Variants in OTUD3 observed in about 807,000 individuals in gnomAD.
OTUD3 encodes OTU deubiquitinase 3.
OTUD3 carries 24 observed loss-of-function variants against 46.2 expected under a neutral mutation model. That is an observed-to-expected ratio of 0.52 (90% CI 0.38 to 0.73). The LOEUF is 0.73. Among genes scored for constraint, OTUD3 ranks in the 30% least tolerant of loss-of-function variants. The probability of loss-of-function intolerance (pLI) is 0.00; values close to 1 mark genes in which losing one functional copy is unlikely to be tolerated. For missense variants in OTUD3, 455 were observed against 523.3 expected (o/e 0.87, Z 1.27); for synonymous variants, 189 against 195.4 (o/e 0.97, Z 0.27).
intron 2 of OTUD3, among the ~76,000 whole-genome samples, chr1:19,892,033 C>G (rs2045454133): frequency 6.6e-6 from 1 of 152,168 alleles, no homozygotes; most frequent in South Asian, 2.1e-4. Context: ...TGTGAAACTC[C>G]ACTTTGAACA....
At chr1:19,902,884 T>C (rs76243835) in intron 4 of OTUD3, among the ~76,000 whole-genome samples, 3,066 of 151,930 alleles carry the variant, frequency 0.02, 100 homozygotes, top group African/African-American at 0.07. Flanking sequence ...ATGGGGGGAG[T>C]GATTATTGTG....
intron 6 of OTUD3, among the ~76,000 whole-genome samples, chr1:19,906,043 T>A (rs2045657080): frequency 6.6e-6 from 1 of 152,248 alleles, no homozygotes; most frequent in Non-Finnish European, 1.5e-5. Context: ...TGTTTAATTT[T>A]AATTTAAATG....
chr1:19,901,527 CACATA>C (rs1485051612), intron 4 of OTUD3, among the ~76,000 whole-genome samples: 1 of 152,130 alleles, frequency 6.6e-6, no homozygotes, highest in Non-Finnish European at 1.5e-5. Context: ...AGGCAAAATT[CACATA>C]ACATAAAATT....
intron 1 of OTUD3, among the ~76,000 whole-genome samples, chr1:19,883,911 C>T (rs140995394): frequency 1.3e-5 from 2 of 152,332 alleles, no homozygotes; most frequent in East Asian, 3.9e-4. Flanking sequence ...ATGCTCATTG[C>T]TTCAGGCAGA....
chr1:19,890,243 A>G, intron 1 of OTUD3, 142 bp from the exon 2 acceptor site: 1 of 761,520 alleles, frequency 1.3e-6, no homozygotes, highest in Non-Finnish European at 2.1e-6. Context: ...GTGGTCTTGG[A>G]AGAATCCTGG....
At chr1:19,885,211 C>A (rs138147667) in intron 1 of OTUD3, among the ~76,000 whole-genome samples, 2 of 152,190 alleles carry the variant, frequency 1.3e-5, no homozygotes, top group African/African-American at 4.8e-5. Context: ...CTGGAGTGCT[C>A]ATGTCTCTCT....
chr1:19,893,838 G>A (rs1033898124), intron 2 of OTUD3, among the ~76,000 whole-genome samples: 1 of 152,224 alleles, frequency 6.6e-6, no homozygotes, highest in Admixed American at 6.5e-5. Context: ...TGAACTCCGC[G>A]AGGGCAAATT....
Position 19,896,764 on chromosome 1 carries a change from C to T in OTUD3, c.484-776C>T, listed in dbSNP as rs182621889. On this transcript the variant is annotated intron_variant, in intron 3 of 7. Transcript: ENST00000375120. ...AGAATGAGAGTTTCTTTGGACGTGGCGAGTTTTATTTGGGGTACGCCCAGA... is the reference window on the plus strand; with the variant it reads ...AGAATGAGAGTTTCTTTGGACGTGGTGAGTTTTATTTGGGGTACGCCCAGA... 1.4e-4 allele frequency among the ~76,000 whole-genome samples: 22 copies of T among 152,236 alleles called. No individual in the cohort carries two copies. The East Asian group carries it at 3.9e-3, about 27-fold the overall frequency.
intron 1 of OTUD3, among the ~76,000 whole-genome samples, chr1:19,884,355 TG>T (rs1010714935): frequency 3.3e-5 from 5 of 152,142 alleles, no homozygotes; most frequent in African/African-American, 1.2e-4. Flanking sequence ...TGGGAAACTT[TG>T]GGGGTACTAC....
intron 2 of OTUD3, 137 bp from the exon 3 acceptor site, chr1:19,894,231 A>C: frequency 1.8e-6 from 1 of 546,798 alleles, no homozygotes; most frequent in Middle Eastern, 3.6e-4. Flanking sequence ...AAATTCCTAG[A>C]CTCTGACAAA....
At position 19,912,074 on chromosome 1, in the gene OTUD3, A is replaced by G. The variant is rs1040685242; in HGVS notation, c.*4328A>G. 2.6e-5 allele frequency: 4 copies of G among 151,854 alleles called. No individual in the cohort carries two copies. Among genetic ancestry groups the G allele is most frequent in the Non-Finnish European group, 2.9e-5 (2 of 67,868 alleles). The allele number at this position is 151,854 out of a possible 1,614,324, so 9.4% of individuals were successfully genotyped here. A position where few individuals can be genotyped will look rare whatever the true frequency, so the allele number is the denominator to read the frequency against. ...CTTGAGAAGGGGCTGGTACCAGTGTAAAGAATCTATTTCTGTAAAACTACG... is the reference window on the plus strand; with the variant it reads ...CTTGAGAAGGGGCTGGTACCAGTGTGAAGAATCTATTTCTGTAAAACTACG... On this transcript the variant is annotated 3_prime_UTR_variant, in exon 8 of 8. Coordinates refer to ENST00000375120, the MANE Select transcript of OTUD3 (RefSeq NM_015207.2).
chr1:19,899,072 A>G (rs1469541026), intron 4 of OTUD3, among the ~76,000 whole-genome samples: 1 of 152,116 alleles, frequency 6.6e-6, no homozygotes, highest in Non-Finnish European at 1.5e-5. Flanking sequence ...TGGCCTTCCA[A>G]CATGTTGGGA....
At chr1:19,897,461 G>A in intron 3 of OTUD3, 79 bp from the exon 4 acceptor site, 2 of 1,497,522 alleles carry the variant, frequency 1.3e-6, no homozygotes, top group Admixed American at 1.9e-5. Context: ...GGCTTCCTCA[G>A]CAGTCCAGGT....
At chr1:19,887,584 C>A (rs2045385443) in intron 1 of OTUD3, among the ~76,000 whole-genome samples, 2 of 152,130 alleles carry the variant, frequency 1.3e-5, no homozygotes, top group Admixed American at 6.5e-5. Flanking sequence ...ATATAGTCTA[C>A]CTCCGTAGAG....
At chr1:19,906,646 G>A (rs1449500632) in intron 7 of OTUD3, 30 bp downstream of exon 7, 3 of 1,556,166 alleles carry the variant, frequency 1.9e-6, no homozygotes, top group African/African-American at 1.4e-5. Flanking sequence ...ATGGGCAGGT[G>A]GTGGGCAGGT....
chr1:19,885,464 A>AC (rs2045344910), intron 1 of OTUD3, among the ~76,000 whole-genome samples: 1 of 151,708 alleles, frequency 6.6e-6, no homozygotes, highest in African/African-American at 2.4e-5. Context: ...AGATTCTTCT[A>AC]CCCCCCTCAG....
At chr1:19,894,526 T>G in intron 3 of OTUD3, 46 bp downstream of exon 3, 1 of 926,422 alleles carries the variant, frequency 1.1e-6, no homozygotes, top group Non-Finnish European at 1.6e-6. Flanking sequence ...TATTTCTAAG[T>G]CAGCTTTGGG....
Position 19,882,815 on chromosome 1 carries a change from A to G in OTUD3, c.221+81A>G, listed in dbSNP as rs982127056. On this transcript the variant is annotated intron_variant, in intron 1 of 7. Transcript: ENST00000375120. The stretch of plus-strand genomic sequence containing the variant: ...TGGCGACCGTTGCCCGCTCGCGTCC[A>G]TCCATCCATTCATTCGGGCGGCCCG... 1.7e-5 allele frequency: 20 copies of G among 1,198,240 alleles called. No individual in the cohort carries two copies. In the South Asian group the frequency reaches 1.8e-4, roughly 11 times the overall value. The allele number at this position is 1,198,240 out of a possible 1,614,324, so 74.2% of individuals were successfully genotyped here. A position where few individuals can be genotyped will look rare whatever the true frequency, so the allele number is the denominator to read the frequency against.
intron 7 of OTUD3, 48 bp from the exon 8 acceptor site, chr1:19,907,522 C>T (rs2045676921): frequency 6.3e-7 from 1 of 1,584,174 alleles, no homozygotes. Context: ...CAGGTGGCAG[C>T]TTGAGTCCCC....
Sources: allele counts gnomAD v4.1 joint callset (sites outside exome capture counted in the v4.1 genomes callset), GRCh38; gene constraint gnomAD v4.1.1; transcripts MANE v1.5; gene names NCBI Gene and HGNC (gene_info 2026-07-23, HGNC 2026-07-21).